Variants in TEX36 observed in about 807,000 individuals in gnomAD.
TEX36 encodes the protein testis-expressed protein 36.
TEX36 carries 12 observed loss-of-function variants against 13.6 expected under a neutral mutation model. The observed-to-expected ratio is 0.88, with a 90% CI of 0.56 to 1.43. TEX36 has a LOEUF of 1.43. Ranked by LOEUF, TEX36 falls within the 40% of genes most tolerant of loss-of-function variation. TEX36 has a pLI of 0.00. For missense variants in TEX36, 224 were observed against 228.3 expected (o/e 0.98, Z 0.12); for synonymous variants, 93 against 83.0 (o/e 1.12, Z -0.65).
intron 3 of TEX36, among the ~76,000 whole-genome samples, chr10:125,580,626 G>T (rs543898916): frequency 2.0e-5 from 3 of 152,264 alleles, no homozygotes; most frequent in African/African-American, 7.2e-5. Flanking sequence ...GTCACCAAGG[G>T]CCCACATTAC....
chr10:125,617,404 T>C (rs1333912799), downstream of TEX36, among the ~76,000 whole-genome samples: 1 of 152,276 alleles, frequency 6.6e-6, no homozygotes, highest in African/African-American at 2.4e-5. Flanking sequence ...CATTTTGGCA[T>C]GATTTTGCAG....
intron 3 of TEX36, among the ~76,000 whole-genome samples, chr10:125,597,957 G>C (rs2133539138): frequency 6.6e-6 from 1 of 152,290 alleles, no homozygotes; most frequent in East Asian, 1.9e-4. Context: ...TTATTTAGCG[G>C]GTTATTTATT....
chr10:125,652,468 C>T (rs1172898731), downstream of TEX36, among the ~76,000 whole-genome samples: 2 of 152,140 alleles, frequency 1.3e-5, no homozygotes, highest in Non-Finnish European at 2.9e-5. Context: ...TTCCTTACAC[C>T]TTATACAAAA....
In TEX36 at chr10:125,667,118, C is replaced by G. The variant is rs1847135987; in HGVS notation, c.52-5141G>C. 4.9e-6 allele frequency: 4 copies of G among 814,144 alleles called. No homozygotes were observed. In the Admixed American group the frequency reaches 5.3e-5, roughly 11 times the overall value. The allele number at this position is 814,144 out of a possible 1,614,324, so 50.4% of individuals were successfully genotyped here. ...GCGTTGAGGTTGATGGATGCCTCCT[C>G]CTCATTCTGGCCTCCAGACAGGAAT... On this transcript the variant is annotated intron_variant, in intron 1 of 3. Transcript: ENST00000368821.
chr10:125,678,036 T>C (rs181418844), intron 1 of TEX36, among the ~76,000 whole-genome samples: 1 of 152,354 alleles, frequency 6.6e-6, no homozygotes, highest in East Asian at 1.9e-4. Flanking sequence ...TTCTTTTTGA[T>C]TAAGATCTAT....
At chr10:125,583,535 T>C (rs1490390091) in intron 3 of TEX36, among the ~76,000 whole-genome samples, 1 of 152,222 alleles carries the variant, frequency 6.6e-6, no homozygotes, top group Non-Finnish European at 1.5e-5. Context: ...GGCAAAGTCT[T>C]CATGACTTAA....
At chr10:125,581,198 A>G (rs1339095065) in intron 3 of TEX36, among the ~76,000 whole-genome samples, 1 of 152,116 alleles carries the variant, frequency 6.6e-6, no homozygotes, top group East Asian at 1.9e-4. Flanking sequence ...GGCACACCCT[A>G]AACAGGGAGA....
downstream of TEX36, among the ~76,000 whole-genome samples, chr10:125,617,424 C>T (rs1846374115): frequency 6.6e-6 from 1 of 152,144 alleles, no homozygotes; most frequent in South Asian, 2.1e-4. Context: ...GTGGCTGGTA[C>T]CAGTTGTTCC....
chr10:125,593,196 A>C (rs1846043201), intron 3 of TEX36, among the ~76,000 whole-genome samples: 1 of 152,218 alleles, frequency 6.6e-6, no homozygotes, highest in South Asian at 2.1e-4. Flanking sequence ...GGCCCCAGCC[A>C]CCAGTCATCT....
chr10:125,634,020 A>C (rs79089364), intron 3 of TEX36, among the ~76,000 whole-genome samples: 1 of 151,578 alleles, frequency 6.6e-6, no homozygotes, highest in East Asian at 1.9e-4. Flanking sequence ...GGATTAAAAC[A>C]AAAAAAAACT....
chr10:125,584,029 G>C, intron 3 of TEX36, among the ~76,000 whole-genome samples: 1 of 152,170 alleles, frequency 6.6e-6, no homozygotes, highest in East Asian at 1.9e-4. Flanking sequence ...AGGCCTCAGA[G>C]ACATCAAATC....
intron 3 of TEX36, among the ~76,000 whole-genome samples, chr10:125,626,650 C>T (rs1000997072): frequency 3.3e-5 from 5 of 152,098 alleles, no homozygotes; most frequent in Non-Finnish European, 5.9e-5. Flanking sequence ...ATGGAGCAGA[C>T]ACAGAGGCCA....
downstream of TEX36, among the ~76,000 whole-genome samples, chr10:125,618,991 G>A (rs549020145): frequency 1.1e-4 from 16 of 143,242 alleles, no homozygotes; most frequent in Non-Finnish European, 2.1e-4. Context: ...TTAGCCCAGA[G>A]TGGTGTCGGG....
At chr10:125,598,879 A>G (rs1164191654) in intron 3 of TEX36, among the ~76,000 whole-genome samples, 1 of 152,292 alleles carries the variant, frequency 6.6e-6, no homozygotes, top group Admixed American at 6.5e-5. Context: ...TGGAACTCCC[A>G]ATCCAAAAAT....
intron 3 of TEX36, among the ~76,000 whole-genome samples, chr10:125,606,637 C>T (rs923272851): frequency 2.6e-5 from 4 of 152,312 alleles, no homozygotes; most frequent in African/African-American, 9.6e-5. Flanking sequence ...ACAAACTCTA[C>T]AGGATATGAA....
intron 3 of TEX36, among the ~76,000 whole-genome samples, chr10:125,624,673 T>C (rs1846465545): frequency 6.9e-6 from 1 of 144,712 alleles, no homozygotes; most frequent in Non-Finnish European, 1.5e-5. Flanking sequence ...GATGTATAAT[T>C]CTACAGAAAA....
At chr10:125,619,865 AT>A (rs1454585018), downstream of TEX36, among the ~76,000 whole-genome samples, 1 of 151,380 alleles carries the variant, frequency 6.6e-6, no homozygotes, top group African/African-American at 2.4e-5. Flanking sequence ...ATTTTTTACT[AT>A]TTATTTATAA....
At chr10:125,658,903 T>C (rs1253866588) in intron 3 of TEX36, among the ~76,000 whole-genome samples, 2 of 152,194 alleles carry the variant, frequency 1.3e-5, no homozygotes, top group East Asian at 3.9e-4. Flanking sequence ...TTTTAATAAA[T>C]TATTAACAAA....
At chr10:125,682,605 G>C (rs556554747) in intron 1 of TEX36, among the ~76,000 whole-genome samples, 2 of 152,194 alleles carry the variant, frequency 1.3e-5, no homozygotes, top group South Asian at 4.1e-4. Flanking sequence ...TTCTAGCAAG[G>C]GGAGAAAAAT....
Sources: allele counts gnomAD v4.1 joint callset (sites outside exome capture counted in the v4.1 genomes callset), GRCh38; gene constraint gnomAD v4.1.1; transcripts MANE v1.5; gene names NCBI Gene and HGNC (gene_info 2026-07-23, HGNC 2026-07-21).